Variants in HACD2 observed in about 807,000 individuals in gnomAD.
HACD2 encodes 3-hydroxyacyl-CoA dehydratase 2.
Under a neutral mutation model 31.0 loss-of-function variants are expected in HACD2, and 15 were observed. The ratio of observed to expected loss-of-function variants is 0.48; its 90% CI spans 0.32 to 0.75. HACD2 has a LOEUF of 0.75. Among genes scored for constraint, HACD2 ranks in the 30% least tolerant of loss-of-function variants. The pLI, the probability that HACD2 is intolerant of heterozygous loss-of-function variation, is 0.03. For missense variants in HACD2, 283 were observed against 313.0 expected (o/e 0.90, Z 0.72); for synonymous variants, 115 against 122.2 (o/e 0.94, Z 0.39).
At chr3:123,537,433 T>C (rs2056439486) in intron 3 of HACD2, among the ~76,000 whole-genome samples, 1 of 151,990 alleles carries the variant, frequency 6.6e-6, no homozygotes, top group South Asian at 2.1e-4. Context: ...CCGGGCATGG[T>C]AGCATGTGTC....
intron 3 of HACD2, among the ~76,000 whole-genome samples, chr3:123,535,652 G>A (rs1576758920): frequency 6.6e-6 from 1 of 152,172 alleles, no homozygotes; most frequent in African/African-American, 2.4e-5. Context: ...TGACAGAACT[G>A]GAGGCTGAAC....
chr3:123,536,256 A>T (rs1236404631), intron 3 of HACD2, among the ~76,000 whole-genome samples: 2 of 152,172 alleles, frequency 1.3e-5, no homozygotes, highest in Non-Finnish European at 2.9e-5. Flanking sequence ...AAACAGAAAA[A>T]TTCAAATCCT....
chr3:123,519,468 T>C (rs1426027661), intron 4 of HACD2, among the ~76,000 whole-genome samples: 1 of 152,212 alleles, frequency 6.6e-6, no homozygotes, highest in Non-Finnish European at 1.5e-5. Flanking sequence ...CCTGAAGAAA[T>C]GGAAATACAC....
intron 6 of HACD2, among the ~76,000 whole-genome samples, chr3:123,499,923 T>C (rs112679449): frequency 1.4e-3 from 212 of 152,346 alleles, no homozygotes; most frequent in African/African-American, 4.8e-3. Context: ...CACATTTGAT[T>C]ATCCATATAC....
intron 4 of HACD2, among the ~76,000 whole-genome samples, chr3:123,507,744 A>G (rs2055995959): frequency 6.6e-6 from 1 of 152,186 alleles, no homozygotes; most frequent in South Asian, 2.1e-4. Context: ...AAATAAAAAA[A>G]AATTTAAAAA....
intron 4 of HACD2, among the ~76,000 whole-genome samples, chr3:123,508,885 T>C (rs2056012995): frequency 6.6e-6 from 1 of 152,158 alleles, no homozygotes; most frequent in African/African-American, 2.4e-5. Flanking sequence ...TGAGGGGTCT[T>C]TTCCTGACTT....
chr3:123,499,644 G>C (rs1157240310), intron 6 of HACD2: 4 of 456,164 alleles, frequency 8.8e-6, no homozygotes, highest in Non-Finnish European at 1.8e-5. Flanking sequence ...ATTTAACCTG[G>C]GGTTTAGGGA....
intron 3 of HACD2, among the ~76,000 whole-genome samples, chr3:123,542,078 C>T (rs2056497852): frequency 1.7e-5 from 2 of 118,700 alleles, no homozygotes; most frequent in African/African-American, 3.1e-5. Context: ...ACCCGGGAGG[C>T]GGAGCTTGCA....
intron 5 of HACD2, among the ~76,000 whole-genome samples, chr3:123,501,887 C>T (rs1053286050): frequency 2.0e-5 from 3 of 152,190 alleles, no homozygotes; most frequent in African/African-American, 7.2e-5. Flanking sequence ...GGAACCACTG[C>T]TTTCCTTCCA....
At chr3:123,584,792 G>T in intron 1 of HACD2, 81 bp downstream of exon 1, 4 of 1,170,444 alleles carry the variant, frequency 3.4e-6, no homozygotes, top group South Asian at 1.8e-5. Flanking sequence ...GGGCCGCGCC[G>T]ATCCTATCCG....
At chr3:123,530,380 T>C (rs910406239) in intron 3 of HACD2, among the ~76,000 whole-genome samples, 1 of 151,450 alleles carries the variant, frequency 6.6e-6, no homozygotes. Flanking sequence ...GCGTCCCAAG[T>C]AGCTGGGACC....
chr3:123,525,008 A>G (rs1190200591), intron 4 of HACD2, among the ~76,000 whole-genome samples: 1 of 152,242 alleles, frequency 6.6e-6, no homozygotes, highest in Admixed American at 6.5e-5. Context: ...TCTGTAAACT[A>G]TAACATATCA....
intron 4 of HACD2, among the ~76,000 whole-genome samples, chr3:123,524,748 A>C (rs1350490223): frequency 6.6e-6 from 1 of 152,032 alleles, no homozygotes. Flanking sequence ...CAGCCTCCCA[A>C]AGTGCTGATA....
At chr3:123,573,992 G>C (rs189522165) in intron 2 of HACD2, among the ~76,000 whole-genome samples, 1 of 152,298 alleles carries the variant, frequency 6.6e-6, no homozygotes, top group African/African-American at 2.4e-5. Flanking sequence ...TGTATTCACT[G>C]CACATAATGA....
intron 3 of HACD2, among the ~76,000 whole-genome samples, chr3:123,537,561 C>T (rs1378514811): frequency 7.0e-6 from 1 of 143,724 alleles, no homozygotes; most frequent in Non-Finnish European, 1.5e-5. Flanking sequence ...GAGACCCTAT[C>T]TCAAAACAAC....
rs2055801433 is a variant in HACD2, at chr3:123,494,041, G to C, written c.*847C>G. On this transcript the variant is annotated 3_prime_UTR_variant, in exon 7 of 7. Coordinates refer to ENST00000383657, the MANE Select transcript of HACD2 (RefSeq NM_198402.5). The stretch of plus-strand genomic sequence containing the variant: ...TCTTCAGGGCCATCAGTGCATCAGT[G>C]AGAATAGCTACTGGCAAACACGTTA... The C allele has an allele frequency of 6.6e-6, 1 of 152,212 alleles. No individual in the cohort carries two copies. Among genetic ancestry groups the C allele is most frequent in the South Asian group, 2.1e-4 (1 of 4,830 alleles). The allele number at this position is 152,212 out of a possible 1,614,324, so 9.4% of individuals were successfully genotyped here.
intron 2 of HACD2, among the ~76,000 whole-genome samples, chr3:123,575,824 T>C (rs544366572): frequency 1.3e-5 from 2 of 152,332 alleles, no homozygotes; most frequent in African/African-American, 4.8e-5. Flanking sequence ...TGCTGGAAAT[T>C]GTTTAAGTAC....
At chr3:123,539,911 TAAAAAAAAAAAA>T (rs71142741) in intron 3 of HACD2, among the ~76,000 whole-genome samples, 14 of 24,480 alleles carry the variant, frequency 5.7e-4, no homozygotes, top group African/African-American at 2.5e-3. Flanking sequence ...TCGTCTCTAC[TAAAAAAAAAAAA>T]AAAAAAAAAA....
intron 3 of HACD2, among the ~76,000 whole-genome samples, chr3:123,559,000 C>T (rs1054268314): frequency 6.6e-6 from 1 of 152,200 alleles, no homozygotes; most frequent in Non-Finnish European, 1.5e-5. Context: ...TTATGCTTTA[C>T]AATTAAGAAA....
Sources: allele counts gnomAD v4.1 joint callset (sites outside exome capture counted in the v4.1 genomes callset), GRCh38; gene constraint gnomAD v4.1.1; transcripts MANE v1.5; gene names NCBI Gene and HGNC (gene_info 2026-07-23, HGNC 2026-07-21).